Variants in ARHGAP26 observed in about 807,000 individuals in gnomAD.
ARHGAP26 encodes Rho GTPase activating protein 26.
Under a neutral mutation model 104.8 loss-of-function variants are expected in ARHGAP26, and 38 were observed. The observed-to-expected ratio is 0.36, with a 90% CI of 0.28 to 0.48. ARHGAP26 has a LOEUF of 0.48. Among genes scored for constraint, ARHGAP26 ranks in the 20% least tolerant of loss-of-function variants. The probability of loss-of-function intolerance (pLI) is 0.99; values close to 1 mark genes in which losing one functional copy is unlikely to be tolerated. For synonymous variants in ARHGAP26, 341 were observed against 340.0 expected, an observed-to-expected ratio of 1.00 and a Z score of -0.03; for missense variants, 704 against 947.9, an observed-to-expected ratio of 0.74 and a Z score of 3.38.
chr5:143,005,818 ACT>A (rs1346233163), intron 11 of ARHGAP26, among the ~76,000 whole-genome samples: 3 of 152,008 alleles, frequency 2.0e-5, no homozygotes, highest in African/African-American at 4.8e-5. Context: ...CTGTTAAAAG[ACT>A]CTGTCTTTTG....
At chr5:143,102,444 T>C (rs1161967013) in intron 17 of ARHGAP26, among the ~76,000 whole-genome samples, 1 of 152,200 alleles carries the variant, frequency 6.6e-6, no homozygotes, top group East Asian at 1.9e-4. Flanking sequence ...CTAGAACAAG[T>C]TCTTATCAGA....
intron 11 of ARHGAP26, among the ~76,000 whole-genome samples, chr5:142,976,936 A>C (rs1326390130): frequency 6.6e-6 from 1 of 152,198 alleles, no homozygotes; most frequent in Non-Finnish European, 1.5e-5. Context: ...TGCACGCAAG[A>C]GTACACCTCT....
chr5:143,000,478 A>G (rs1777037101), intron 11 of ARHGAP26, among the ~76,000 whole-genome samples: 2 of 152,256 alleles, frequency 1.3e-5, no homozygotes, highest in South Asian at 2.1e-4. Flanking sequence ...CACAACATGG[A>G]TGAATATTAA....
chr5:143,183,793 C>T (rs148453610), intron 20 of ARHGAP26, among the ~76,000 whole-genome samples: 2 of 152,174 alleles, frequency 1.3e-5, no homozygotes, highest in East Asian at 1.9e-4. Flanking sequence ...CCTGTGGCTC[C>T]TCAGCAGTGT....
chr5:142,982,151 C>T (rs758132492), intron 11 of ARHGAP26, among the ~76,000 whole-genome samples: 92 of 152,286 alleles, frequency 6.0e-4, no homozygotes, highest in Non-Finnish European at 2.8e-4. Context: ...GATCTAAGTC[C>T]GTTTCCTGCC....
At chr5:142,786,718 C>G (rs1758729004) in intron 1 of ARHGAP26, among the ~76,000 whole-genome samples, 1 of 134,244 alleles carries the variant, frequency 7.4e-6, no homozygotes, top group South Asian at 2.3e-4. Context: ...ATGATCTTGG[C>G]TCACTGCAAC....
intron 20 of ARHGAP26, among the ~76,000 whole-genome samples, chr5:143,162,662 C>T (rs1026594105): frequency 2.6e-5 from 4 of 152,200 alleles, no homozygotes; most frequent in Admixed American, 1.3e-4. Context: ...CTCAGTGGAA[C>T]GCAAACTTAT....
At chr5:142,792,571 C>T (rs955088302) in intron 1 of ARHGAP26, among the ~76,000 whole-genome samples, 8 of 152,270 alleles carry the variant, frequency 5.3e-5, no homozygotes, top group Middle Eastern at 3.4e-3. Context: ...GGGTACTGAC[C>T]GTGCAGGGAT....
chr5:143,042,948 T>C (rs1360151331), intron 14 of ARHGAP26, among the ~76,000 whole-genome samples: 2 of 152,220 alleles, frequency 1.3e-5, no homozygotes, highest in African/African-American at 4.8e-5. Context: ...TTGGTTAAGA[T>C]TTGAAATATG....
chr5:143,162,486 T>A (rs1801389110), intron 20 of ARHGAP26, among the ~76,000 whole-genome samples: 1 of 151,830 alleles, frequency 6.6e-6, no homozygotes, highest in African/African-American at 2.4e-5. Flanking sequence ...GACATGCTAA[T>A]CCAATAGAGA....
chr5:142,992,372 G>A (rs1270268083), intron 11 of ARHGAP26, among the ~76,000 whole-genome samples: 5 of 151,798 alleles, frequency 3.3e-5, no homozygotes, highest in South Asian at 2.1e-4. Flanking sequence ...CAACTGATTC[G>A]AAAGGCTCCA....
At chr5:142,890,151 A>AAAAAAAAAATATAT (rs1252590997) in intron 5 of ARHGAP26, among the ~76,000 whole-genome samples, 3 of 32,432 alleles carry the variant, frequency 9.3e-5, no homozygotes, top group Non-Finnish European at 1.6e-4. Flanking sequence ...AAAAAAAAAA[A>AAAAAAAAAATATAT]ATATATATAT....
intron 20 of ARHGAP26, among the ~76,000 whole-genome samples, chr5:143,206,431 A>C (rs1236944699): frequency 6.6e-6 from 1 of 152,200 alleles, no homozygotes; most frequent in Non-Finnish European, 1.5e-5. Context: ...TCCTCTCCAA[A>C]CTTTTGATTA....
chr5:143,222,235 A>G (rs543172508), intron 22 of ARHGAP26, 123 bp from the exon 23 acceptor site: 6 of 538,606 alleles, frequency 1.1e-5, no homozygotes, highest in South Asian at 1.2e-4. Context: ...TCATTGTCCA[A>G]GCTTCCTTCA....
chr5:143,204,639 C>T (rs534229307), intron 20 of ARHGAP26, among the ~76,000 whole-genome samples: 27 of 152,242 alleles, frequency 1.8e-4, no homozygotes, highest in Non-Finnish European at 7.4e-5. Flanking sequence ...TAATTTCAGC[C>T]GTGTAGTTCT....
At chr5:143,057,499 A>G in intron 16 of ARHGAP26, 143 bp from the exon 17 acceptor site, 1 of 672,882 alleles carries the variant, frequency 1.5e-6, no homozygotes, top group East Asian at 2.5e-5. Context: ...CTGGCCACGC[A>G]GTATGCACAC....
intron 15 of ARHGAP26, among the ~76,000 whole-genome samples, chr5:143,055,823 G>A (rs2302100): frequency 0.49 from 74,956 of 152,070 alleles, 22,973 homozygotes; most frequent in East Asian, 0.91. Flanking sequence ...ACATAGTTGT[G>A]TCTATTCATT....
intron 11 of ARHGAP26, among the ~76,000 whole-genome samples, chr5:142,932,658 G>T (rs1280017518): frequency 1.3e-5 from 2 of 152,188 alleles, no homozygotes; most frequent in African/African-American, 4.8e-5. Flanking sequence ...GAAATTGTAA[G>T]AGTACAGTCT....
At chr5:143,206,202 G>A (rs933014913) in intron 20 of ARHGAP26, among the ~76,000 whole-genome samples, 7 of 152,208 alleles carry the variant, frequency 4.6e-5, no homozygotes, top group African/African-American at 1.4e-4. Flanking sequence ...CCCCCATGAA[G>A]GGCTTGTTTC....
Sources: allele counts gnomAD v4.1 joint callset (sites outside exome capture counted in the v4.1 genomes callset), GRCh38; gene constraint gnomAD v4.1.1; transcripts MANE v1.5; gene names NCBI Gene and HGNC (gene_info 2026-07-23, HGNC 2026-07-21).